Variants in CLSTN2 observed in about 807,000 individuals in gnomAD.
CLSTN2 encodes calsyntenin 2.
CLSTN2 carries 48 observed loss-of-function variants against 101.2 expected under a neutral mutation model. The ratio of observed to expected loss-of-function variants is 0.47; its 90% CI spans 0.38 to 0.60. CLSTN2 has a LOEUF of 0.60. Ranked by LOEUF, CLSTN2 falls within the 20% of genes least tolerant of loss-of-function variation. The probability of loss-of-function intolerance (pLI) is 0.00; values close to 1 mark genes in which losing one functional copy is unlikely to be tolerated. For synonymous variants in CLSTN2, 481 were observed against 463.6 expected (o/e 1.04, Z -0.48); for missense variants, 1,160 against 1,238.2 (o/e 0.94, Z 0.95).
chr3:140,084,688 A>G (rs1398161791), intron 1 of CLSTN2, among the ~76,000 whole-genome samples: 1 of 152,196 alleles, frequency 6.6e-6, no homozygotes, highest in Non-Finnish European at 1.5e-5. Flanking sequence ...GATATAACCT[A>G]TTGCTGGACT....
chr3:140,393,955 A>G (rs907528824), intron 2 of CLSTN2, among the ~76,000 whole-genome samples: 6 of 152,158 alleles, frequency 3.9e-5, no homozygotes, highest in Non-Finnish European at 2.9e-5. Flanking sequence ...CAATCTTCCA[A>G]CACCTGACTA....
chr3:140,179,667 C>A (rs2010379386), intron 2 of CLSTN2, among the ~76,000 whole-genome samples: 1 of 141,134 alleles, frequency 7.1e-6, no homozygotes, highest in Non-Finnish European at 1.5e-5. Flanking sequence ...GCTATTATAC[C>A]TCATTTTGAA....
At chr3:140,510,514 A>C (rs1464400245) in intron 8 of CLSTN2, among the ~76,000 whole-genome samples, 1 of 152,214 alleles carries the variant, frequency 6.6e-6, no homozygotes. Context: ...ACAAATTACA[A>C]GGATGGTTTT....
chr3:140,493,712 C>T (rs531544787), intron 8 of CLSTN2, among the ~76,000 whole-genome samples: 2 of 152,352 alleles, frequency 1.3e-5, no homozygotes, highest in African/African-American at 2.4e-5. Flanking sequence ...ATCTGCTCTA[C>T]GAGCTTTGCC....
chr3:140,427,236 T>TAC (rs1284944613), intron 5 of CLSTN2, among the ~76,000 whole-genome samples: 4,473 of 118,682 alleles, frequency 0.038, 95 homozygotes, highest in East Asian at 0.08. Flanking sequence ...TGTGTATATA[T>TAC]ATATATATAC....
Position 140,175,977 on chromosome 3 carries a change from A to G in CLSTN2, c.136A>G (p.Thr46Ala), listed in dbSNP as rs1378780627. 1 of 1,613,286 alleles carries G rather than the reference A, an allele frequency of 6.2e-7. No homozygotes were observed. The highest frequency in any genetic ancestry group is 1.1e-5 in the South Asian group (1 of 91,016). The change falls in exon 2 of 17, where the codon ACT (threonine) becomes GCT (alanine). Residue 46 changes from threonine to alanine, a missense_variant. Physicochemically the swap from Thr to Ala is moderately conservative, Grantham distance 58 (BLOSUM62 0). Coordinates refer to ENST00000458420, the MANE Select transcript of CLSTN2 (RefSeq NM_022131.3). Reference sequence around the variant, plus strand: ...CAATAAGCACAAGCCATGGATCGAGACTTCATATCATGGAGTCATAACTGA... The same window carrying G: ...CAATAAGCACAAGCCATGGATCGAGGCTTCATATCATGGAGTCATAACTGA... ...KVNKHKPWIE[T>A]SYHGVITENN... is the part of the protein sequence containing the mutation.
chr3:140,562,353 G>A, intron 13 of CLSTN2, 45 bp downstream of exon 13: 2 of 1,556,748 alleles, frequency 1.3e-6, no homozygotes, highest in Non-Finnish European at 1.7e-6. Flanking sequence ...TGTCCTCTTA[G>A]AATGTCCTTG....
intron 2 of CLSTN2, among the ~76,000 whole-genome samples, chr3:140,400,672 C>T (rs2088231327): frequency 6.6e-6 from 1 of 152,032 alleles, no homozygotes; most frequent in Non-Finnish European, 1.5e-5. Flanking sequence ...GCATTCCAGC[C>T]TGGGTGACAA....
intron 2 of CLSTN2, among the ~76,000 whole-genome samples, chr3:140,270,240 G>A (rs936333179): frequency 5.3e-5 from 8 of 152,148 alleles, no homozygotes; most frequent in African/African-American, 9.7e-5. Flanking sequence ...ACACAGGTGA[G>A]GAGATGTACA....
intron 2 of CLSTN2, among the ~76,000 whole-genome samples, chr3:140,241,652 A>T (rs1279630169): frequency 6.6e-6 from 1 of 151,814 alleles, no homozygotes; most frequent in Non-Finnish European, 1.5e-5. Context: ...TATACCAAGG[A>T]TTGTGCTGGA....
chr3:140,215,722 C>T (rs1428761302), intron 2 of CLSTN2, among the ~76,000 whole-genome samples: 2 of 152,212 alleles, frequency 1.3e-5, no homozygotes, highest in African/African-American at 4.8e-5. Flanking sequence ...CCCTGTGTTT[C>T]AGCTTCCTTA....
chr3:140,498,617 A>G (rs1007203905), intron 8 of CLSTN2, among the ~76,000 whole-genome samples: 2 of 152,222 alleles, frequency 1.3e-5, no homozygotes, highest in Non-Finnish European at 2.9e-5. Context: ...TTGGTGGGTC[A>G]AGGTACAAAT....
At chr3:139,954,010 T>C (rs1031543587) in intron 1 of CLSTN2, among the ~76,000 whole-genome samples, 2 of 151,608 alleles carry the variant, frequency 1.3e-5, no homozygotes, top group African/African-American at 4.8e-5. Flanking sequence ...GGGAACATGT[T>C]GGGTTTGTTA....
chr3:140,551,664 G>A (rs1272865354), intron 10 of CLSTN2, among the ~76,000 whole-genome samples: 1 of 152,066 alleles, frequency 6.6e-6, no homozygotes, highest in Non-Finnish European at 1.5e-5. Flanking sequence ...GTTTTTTTCT[G>A]TCAACTGATT....
At chr3:140,105,919 G>A (rs2009050277) in intron 1 of CLSTN2, among the ~76,000 whole-genome samples, 1 of 152,178 alleles carries the variant, frequency 6.6e-6, no homozygotes, top group Non-Finnish European at 1.5e-5. Flanking sequence ...TGGGGCCTGA[G>A]TAAAGCCTCC....
intron 1 of CLSTN2, among the ~76,000 whole-genome samples, chr3:140,105,255 G>A (rs889715053): frequency 6.6e-6 from 1 of 152,300 alleles, no homozygotes; most frequent in East Asian, 1.9e-4. Flanking sequence ...TCATATGCCT[G>A]TTTATAACTA....
At chr3:140,483,044 A>G (rs930835293) in intron 8 of CLSTN2, among the ~76,000 whole-genome samples, 3 of 152,096 alleles carry the variant, frequency 2.0e-5, no homozygotes, top group Admixed American at 1.3e-4. Flanking sequence ...TAGGGCGTCA[A>G]TTTTAGATCT....
intron 2 of CLSTN2, among the ~76,000 whole-genome samples, chr3:140,273,152 A>G (rs2086760009): frequency 6.6e-6 from 1 of 152,032 alleles, no homozygotes; most frequent in Non-Finnish European, 1.5e-5. Flanking sequence ...GTTGGAAGAT[A>G]TACTCATTTC....
intron 1 of CLSTN2, among the ~76,000 whole-genome samples, chr3:140,059,912 G>A (rs1295914622): frequency 6.6e-6 from 1 of 152,140 alleles, no homozygotes; most frequent in Non-Finnish European, 1.5e-5. Flanking sequence ...TTTGCTTAAT[G>A]ATGGAGTTAA....
Sources: gnomAD v4.1 joint callset for allele counts (sites outside exome capture counted in the v4.1 genomes callset) on GRCh38, gnomAD v4.1.1 for gene constraint, MANE v1.5 for transcripts, NCBI Gene and HGNC (gene_info 2026-07-23, HGNC 2026-07-21) for gene names.